Variants in TGM6 observed in about 807,000 individuals in gnomAD.
TGM6 encodes transglutaminase 6.
In TGM6, 74 loss-of-function variants were observed where a neutral mutation model predicts 77.5. The ratio of observed to expected loss-of-function variants is 0.96; its 90% CI spans 0.79 to 1.16. The LOEUF is 1.16. TGM6 is among the 50% of genes most tolerant of loss of function. TGM6 has a pLI of 0.00. For missense variants in TGM6, 968 were observed against 940.2 expected (o/e 1.03, Z -0.39); for synonymous variants, 383 against 378.9 (o/e 1.01, Z -0.12).
chr20:2,411,810 T>C (rs1228551426), intron 9 of TGM6, among the ~76,000 whole-genome samples: 1 of 152,196 alleles, frequency 6.6e-6, no homozygotes, highest in African/African-American at 2.4e-5. Flanking sequence ...TATAAAACTC[T>C]TAGAAAAAAA....
At chr20:2,410,104 C>A (rs2084775930) in intron 9 of TGM6, among the ~76,000 whole-genome samples, 2 of 152,276 alleles carry the variant, frequency 1.3e-5, no homozygotes, top group South Asian at 4.1e-4. Flanking sequence ...CTAGGGGCAT[C>A]TAGATCACTT....
chr20:2,383,917 C>T (rs942630345), intron 1 of TGM6, among the ~76,000 whole-genome samples: 3 of 151,974 alleles, frequency 2.0e-5, no homozygotes, highest in African/African-American at 7.3e-5. Flanking sequence ...ACCATCCTGG[C>T]TAACACGGTG....
chr20:2,384,789 G>C (rs549845623), intron 1 of TGM6, among the ~76,000 whole-genome samples: 1 of 152,176 alleles, frequency 6.6e-6, no homozygotes, highest in African/African-American at 2.4e-5. Flanking sequence ...AAGCTGGAGG[G>C]GCTATGAGGC....
intron 7 of TGM6, among the ~76,000 whole-genome samples, chr20:2,402,577 A>G (rs1044667945): frequency 1.3e-5 from 2 of 152,282 alleles, no homozygotes; most frequent in African/African-American, 4.8e-5. Context: ...GCTAATCAAC[A>G]TACTTTCCCC....
intron 7 of TGM6, among the ~76,000 whole-genome samples, chr20:2,401,250 T>C (rs1217906542): frequency 2.0e-5 from 3 of 151,678 alleles, no homozygotes; most frequent in Non-Finnish European, 2.9e-5. Flanking sequence ...TTTTCTGAAA[T>C]AGGAAAAACA....
rs2122375760 is a variant in TGM6 at position 2,403,624 on chromosome 20, G to A, written c.1137G>A (p.Glu379=). ...CAGCCTCAGTCACCGCCATCCGCGAGGGTGATGTGCACCTGGCTCACGATG... is the reference window on the plus strand; with the variant it reads ...CAGCCTCAGTCACCGCCATCCGCGAAGGTGATGTGCACCTGGCTCACGATG... ...CGPASVTAIR[E]GDVHLAHDGP... Residue 379 remains glutamate, a synonymous_variant, in exon 9 of 13, where the codon GAG becomes GAA. Transcript: ENST00000202625. The A allele has an allele frequency of 1.2e-6, 2 of 1,614,228 alleles. No homozygotes were observed. The highest frequency in any genetic ancestry group is 1.7e-6 in the Non-Finnish European group (2 of 1,180,046).
chr20:2,431,945 G>A (rs116514970), intron 12 of TGM6, among the ~76,000 whole-genome samples: 1 of 152,238 alleles, frequency 6.6e-6, no homozygotes, highest in Non-Finnish European at 1.5e-5. Context: ...AAGCCCAGAG[G>A]GGGGAAGTTC....
Position 2,404,656 on chromosome 20 carries a change from T to A in TGM6, c.1336+833T>A, listed in dbSNP as rs551785094. ...TCTGGTTGCACTTTTTTTTTTTTCT[T>A]TGAGACAGAATCTCACTCTTGTTGC... On this transcript the variant is annotated intron_variant, in intron 9 of 12. Transcript: ENST00000202625. Among the ~76,000 whole-genome samples the A allele has an allele frequency of 2.0e-5, 3 of 152,234 alleles. No individual in the cohort carries two copies. The South Asian group carries it at 6.2e-4, about 32-fold the overall frequency.
At chr20:2,425,210 T>C (rs1468671904) in intron 10 of TGM6, among the ~76,000 whole-genome samples, 1 of 152,022 alleles carries the variant, frequency 6.6e-6, no homozygotes, top group Non-Finnish European at 1.5e-5. Context: ...CTGCTGGGTG[T>C]GGTGGCATGC....
intron 9 of TGM6, among the ~76,000 whole-genome samples, chr20:2,417,030 C>T: frequency 6.6e-6 from 1 of 152,288 alleles, no homozygotes; most frequent in Non-Finnish European, 1.5e-5. Flanking sequence ...TGACCCAGCT[C>T]TCAGAGAAGC....
Position 2,417,402 on chromosome 20 carries a change from G to A in TGM6, c.1507G>A (p.Glu503Lys). ...PSIAGKFKVL[E>K]PPMLGHDLRL... ...CATCGCTGGCAAGTTCAAGGTGCTAGAGCCTCCCATGCTGGGCCACGACCT... is the reference window on the plus strand; with the variant it reads ...CATCGCTGGCAAGTTCAAGGTGCTAAAGCCTCCCATGCTGGGCCACGACCT... Residue 503 changes from glutamate to lysine, a missense_variant, in exon 10 of 13, where the codon GAG becomes AAG. Coordinates refer to ENST00000202625, the MANE Select transcript of TGM6 (RefSeq NM_198994.3). 1 of 1,613,562 alleles carries A rather than the reference G, an allele frequency of 6.2e-7. No individual in the cohort carries two copies.
rs535889149 is a variant in TGM6, at chr20:2,432,519, C to T, written c.1997C>T (p.Ala666Val). The T allele has an allele frequency of 1.4e-5, 22 of 1,614,122 alleles. No individual in the cohort carries two copies. The highest frequency in any genetic ancestry group is 2.7e-5 in the African/African-American group (2 of 75,016). ...DVPTLEPQER[A>V]SVQFDITPSK... ...CCTACCCTGGAGCCTCAGGAGAGGGCCTCAGTCCAGTTTGACATCACCCCC... is the reference window on the plus strand; with the variant it reads ...CCTACCCTGGAGCCTCAGGAGAGGGTCTCAGTCCAGTTTGACATCACCCCC... The change falls in exon 13 of 13, where the codon GCC becomes GTC. Residue 666 changes from alanine to valine, a missense_variant. Transcript: ENST00000202625.
rs1409916867 is a variant in TGM6, at chr20:2,399,764, G to T, written c.850+26G>T. 4 of 1,598,618 alleles carry T rather than the reference G, an allele frequency of 2.5e-6. No individual in the cohort carries two copies. The African/African-American group carries it at 5.4e-5, about 22-fold the overall frequency. On this transcript the variant is annotated intron_variant, in intron 6 of 12. Transcript: ENST00000202625. ...GTACCCTGGGAGAGAAGGGCCCCAG[G>T]GTACCTGTGCCCCCAGCTTCCTCTA... is the stretch of plus-strand genomic sequence containing the variant.
chr20:2,415,921 A>T (rs1399609384), intron 9 of TGM6, among the ~76,000 whole-genome samples: 1 of 152,152 alleles, frequency 6.6e-6, no homozygotes, highest in Admixed American at 6.5e-5. Flanking sequence ...ACATGTCTAC[A>T]GGAGCCCCAC....
intron 3 of TGM6, 22 bp downstream of exon 3, chr20:2,395,458 G>A: frequency 6.2e-7 from 1 of 1,614,178 alleles, no homozygotes; most frequent in Non-Finnish European, 8.5e-7. Context: ...CAAGTCCAAT[G>A]CAGAGGTTTT....
At chr20:2,420,777 T>C (rs1420885197) in intron 10 of TGM6, among the ~76,000 whole-genome samples, 1 of 152,198 alleles carries the variant, frequency 6.6e-6, no homozygotes, top group Non-Finnish European at 1.5e-5. Flanking sequence ...TTCTTTCACT[T>C]AGCAATATGT....
intron 7 of TGM6, among the ~76,000 whole-genome samples, chr20:2,402,105 G>A (rs1476508669): frequency 6.6e-6 from 1 of 152,012 alleles, no homozygotes; most frequent in Non-Finnish European, 1.5e-5. Flanking sequence ...AATTAGCCGG[G>A]TGTGGTGACA....
intron 1 of TGM6, among the ~76,000 whole-genome samples, chr20:2,389,668 G>T (rs999401221): frequency 6.6e-6 from 1 of 151,944 alleles, no homozygotes; most frequent in African/African-American, 2.4e-5. Flanking sequence ...AATATAAATA[G>T]TAAATAAGAG....
intron 9 of TGM6, among the ~76,000 whole-genome samples, chr20:2,406,858 A>AAAAAAAAAC (rs2084755734): frequency 1.4e-5 from 2 of 147,322 alleles, no homozygotes; most frequent in Non-Finnish European, 3.0e-5. Flanking sequence ...AAAAAAAAAA[A>AAAAAAAAAC]AAAAAAAACC....
Sources: allele counts gnomAD v4.1 joint callset (sites outside exome capture counted in the v4.1 genomes callset), GRCh38; gene constraint gnomAD v4.1.1; transcripts MANE v1.5; gene names NCBI Gene and HGNC (gene_info 2026-07-23, HGNC 2026-07-21).